Variants in MYCL observed in about 807,000 individuals in gnomAD.
MYCL encodes protein L-Myc.
A neutral mutation model predicts 31.0 loss-of-function variants in MYCL; 11 were observed. The observed-to-expected ratio is 0.35, with a 90% CI of 0.22 to 0.59. The LOEUF (loss-of-function observed/expected upper bound fraction) is 0.59. Among genes scored for constraint, MYCL ranks in the 20% least tolerant of loss-of-function variants. The pLI, the probability that MYCL is intolerant of heterozygous loss-of-function variation, is 0.79. For synonymous variants in MYCL, 208 were observed against 202.4 expected (o/e 1.03, Z -0.23); for missense variants, 427 against 486.1 (o/e 0.88, Z 1.14).
chr1:39,901,309 C>A lies in MYCL; in HGVS notation c.126G>T (p.Ser42=). 6.2e-7 allele frequency: 1 copy of A among 1,602,992 alleles called. No individual in the cohort carries two copies. The highest frequency in any genetic ancestry group is 8.5e-7 in the Non-Finnish European group (1 of 1,175,424). ...CGCCGGGACCCAAGCCCCAGGGCGG[C>A]GACGTGGGGGGCGATGGCACCAGCT... ...KFELVPSPPT[S]PPWGLGPGAG... is the part of the protein sequence containing the mutation. Residue 42 remains serine (S), a synonymous_variant, in exon 1 of 2, where the codon TCG becomes TCT. Coordinates refer to ENST00000372816, the MANE Select transcript of MYCL (RefSeq NM_001033081.3). This position sits in a 1 kb window ranked among gnomAD's most constrained non-coding sequence, Gnocchi z 6.9.
chr1:39,901,637 G>C lies in MYCL; in HGVS notation c.-203C>G. The C allele has an allele frequency of 2.2e-6, 3 of 1,383,336 alleles. No homozygotes were observed. The highest frequency in any genetic ancestry group is 2.8e-6 in the Non-Finnish European group (3 of 1,076,844). The allele number at this position is 1,383,336 out of a possible 1,614,324, so 85.7% of individuals were successfully genotyped here. A position where few individuals can be genotyped will look rare whatever the true frequency, so the allele number is the denominator to read the frequency against. ...TGGTAGGGGAAGCCAATCGCAGCGC[G>C]CGGACCCGACTGTGGGCAGCGAGTT... is the stretch of plus-strand genomic sequence containing the variant. On this transcript the variant is annotated 5_prime_UTR_variant, in exon 1 of 2. Coordinates refer to ENST00000372816, the MANE Select transcript of MYCL (RefSeq NM_001033081.3). This position sits in a 1 kb window ranked among gnomAD's most constrained non-coding sequence, Gnocchi z 6.9.
chr1:39,901,882 C>T lies in MYCL; in HGVS notation c.-448G>A, dbSNP rs766492249. ...GGGGCAGCCCGGCAGCCAGCACACACGCACATGCGCGCCGCCGAGAGCGCG... is the reference window on the plus strand; with the variant it reads ...GGGGCAGCCCGGCAGCCAGCACACATGCACATGCGCGCCGCCGAGAGCGCG... On this transcript the variant is annotated 5_prime_UTR_variant, in exon 1 of 2. In the 5' UTR this introduces an upstream ATG that the reference lacks. Transcript: ENST00000372816. This position sits in a 1 kb window ranked among gnomAD's most constrained non-coding sequence, Gnocchi z 6.9. 5 of 1,166,796 alleles carry T rather than the reference C, an allele frequency of 4.3e-6. No homozygotes were observed. Among genetic ancestry groups the T allele is most frequent in the East Asian group, 3.8e-5 (1 of 25,976 alleles). 72.3% of individuals were successfully genotyped at this position (1,166,796 alleles called of 1,614,324 possible). A position where few individuals can be genotyped will look rare whatever the true frequency, so the allele number is the denominator to read the frequency against.
At position 39,899,693 on chromosome 1, in the gene MYCL, A is replaced by G. The variant is rs1056749438; in HGVS notation, c.496+1246T>C. 7.1e-6 allele frequency: 7 copies of G among 985,340 alleles called. No individual in the cohort carries two copies. The Admixed American group carries it at 1.8e-4, about 26-fold the overall frequency. 61.0% of individuals were successfully genotyped at this position (985,340 alleles called of 1,614,324 possible). Reference sequence around the variant, plus strand: ...AAACAAACATAAACTCTTGGTGTAGAAAGCAAGCTGGTTAAAAATGACCTT... The same window carrying G: ...AAACAAACATAAACTCTTGGTGTAGGAAGCAAGCTGGTTAAAAATGACCTT... On this transcript the variant is annotated intron_variant, in intron 1 of 1. Coordinates refer to ENST00000372816, the MANE Select transcript of MYCL (RefSeq NM_001033081.3).
Position 39,896,139 on chromosome 1 carries a change from A to G in MYCL, c.*1233T>C, listed in dbSNP as rs2124714002. On this transcript the variant is annotated 3_prime_UTR_variant, in exon 2 of 2. Coordinates refer to ENST00000372816, the MANE Select transcript of MYCL (RefSeq NM_001033081.3). ...GGGGTAAAATCCATCATGGTTGGCTAAGCATATCTCCTGGAGGCTCCTTTA... is the reference window on the plus strand; with the variant it reads ...GGGGTAAAATCCATCATGGTTGGCTGAGCATATCTCCTGGAGGCTCCTTTA... 1 of 207,376 alleles carries G rather than the reference A, an allele frequency of 4.8e-6. No homozygotes were observed. Among genetic ancestry groups the G allele is most frequent in the East Asian group, 7.3e-5 (1 of 13,766 alleles). 12.8% of individuals were successfully genotyped at this position (207,376 alleles called of 1,614,324 possible). A position where few individuals can be genotyped will look rare whatever the true frequency, so the allele number is the denominator to read the frequency against.
At chr1:39,900,901 G>T (rs1034750343) in intron 1 of MYCL, 38 bp downstream of exon 1, 56 of 1,507,328 alleles carry the variant, frequency 3.7e-5, no homozygotes, top group Non-Finnish European at 5.0e-5. Flanking sequence ...GCCACCCATG[G>T]GGTGGCCCCC....
chr1:39,901,387 C>A lies in MYCL; in HGVS notation c.48G>T (p.Gly16=). The A allele has an allele frequency of 6.2e-7, 1 of 1,613,000 alleles. No homozygotes were observed. The highest frequency in any genetic ancestry group is 1.1e-5 in the South Asian group (1 of 90,762). The change falls in exon 1 of 2, where the codon GGG becomes GGT. Residue 16 remains glycine, a synonymous_variant. Transcript: ENST00000372816. This position sits in a 1 kb window ranked among gnomAD's most constrained non-coding sequence, Gnocchi z 6.9. ...GCGCCGTGGAGCGGTAGAAATCCTC[C>A]CCGCAGTCATAGTCGTAGAAATAGT... ...YQHYFYDYDC[G]EDFYRSTAPS...
At chr1:39,898,898 T>C in intron 1 of MYCL, 1 of 985,204 alleles carries the variant, frequency 1.0e-6, no homozygotes, top group South Asian at 4.7e-5. Context: ...GAGAAAAGTC[T>C]CCTCCTGCTC....
rs1254744333 is a variant in MYCL, at chr1:39,901,456, A to T, written c.-22T>A. The T allele has an allele frequency of 6.2e-7, 1 of 1,604,388 alleles. No homozygotes were observed. Among genetic ancestry groups the T allele is most frequent in the Non-Finnish European group, 8.5e-7 (1 of 1,178,762 alleles). On this transcript the variant is annotated 5_prime_UTR_variant, in exon 1 of 2. Transcript: ENST00000372816. This position sits in a 1 kb window ranked among gnomAD's most constrained non-coding sequence, Gnocchi z 6.9. ...CCATGTCCGCTCCCTGCGGGAGGGAAGGGGGGACGTGCTGACCGGGTGCCG... is the reference window on the plus strand; with the variant it reads ...CCATGTCCGCTCCCTGCGGGAGGGATGGGGGGACGTGCTGACCGGGTGCCG...
rs3134615 is a variant in MYCL, at chr1:39,896,394, C to A, written c.*978G>T. 35,903 of 203,210 alleles carry A rather than the reference C, an allele frequency of 0.18. 3,666 individuals are homozygous for A. The highest frequency in any genetic ancestry group is 0.23 in the Non-Finnish European group (23,072 of 98,900). 12.6% of individuals were successfully genotyped at this position (203,210 alleles called of 1,614,324 possible). On this transcript the variant is annotated 3_prime_UTR_variant, in exon 2 of 2. Coordinates refer to ENST00000372816, the MANE Select transcript of MYCL (RefSeq NM_001033081.3). The stretch of plus-strand genomic sequence containing the variant: ...TTGCCGCTCAAGGATTGAGATGAGG[C>A]AGGTGGGAAAGAGGCAGCAGTACAG...
chr1:39,900,863 C>T (rs1240520531), intron 1 of MYCL, 76 bp downstream of exon 1: 1 of 1,512,144 alleles, frequency 6.6e-7, no homozygotes, highest in Non-Finnish European at 8.8e-7. Context: ...AGAGCCAATG[C>T]CTGACCTCAG....
intron 1 of MYCL, chr1:39,900,167 G>GAAGGACACTTTTCCATCT: frequency 1.0e-6 from 1 of 985,502 alleles, no homozygotes; most frequent in African/African-American, 1.7e-5. Flanking sequence ...GGGGGAGCAA[G>GAAGGACACTTTTCCATCT]AAGGACACTT....
In MYCL at chr1:39,897,641, C is replaced by G. The variant is rs762761206; in HGVS notation, c.826G>C (p.Asp276His). ...TTCCTCTTGGTCACATCCTCAGTAT[C>G]AGAACTGACAGGTTTGGGGTGGCAG... Reference protein sequence around the residue: ...QSCHPKPVSSDTEDVTKRKNH... With the variant: ...QSCHPKPVSSHTEDVTKRKNH... Residue 276 changes from aspartate (D) to histidine (H), a missense_variant, in exon 2 of 2, where the codon GAT becomes CAT. Physicochemically the swap from Asp to His is moderately conservative, Grantham distance 81. Coordinates refer to ENST00000372816, the MANE Select transcript of MYCL (RefSeq NM_001033081.3). This position sits in a 1 kb window ranked among gnomAD's most constrained non-coding sequence, Gnocchi z 4.3. 1 of 1,614,224 alleles carries G rather than the reference C, an allele frequency of 6.2e-7. No individual in the cohort carries two copies. The highest frequency in any genetic ancestry group is 8.5e-7 in the Non-Finnish European group (1 of 1,180,046).
Position 39,901,537 on chromosome 1 carries a change from G to A in MYCL, c.-103C>T. 1 of 1,502,798 alleles carries A rather than the reference G, an allele frequency of 6.7e-7. No homozygotes were observed. Among genetic ancestry groups the A allele is most frequent in the Non-Finnish European group, 8.8e-7 (1 of 1,137,738 alleles). 93.1% of individuals were successfully genotyped at this position (1,502,798 alleles called of 1,614,324 possible). On this transcript the variant is annotated 5_prime_UTR_variant, in exon 1 of 2. In the 5' UTR this introduces an upstream ATG that the reference lacks. Coordinates refer to ENST00000372816, the MANE Select transcript of MYCL (RefSeq NM_001033081.3). This position sits in a 1 kb window ranked among gnomAD's most constrained non-coding sequence, Gnocchi z 6.9. ...CGGCACAGTCGGCTGCCGGGCTCTCGTTCCTCCCCAACCCCACCAGCTTGC... is the reference window on the plus strand; with the variant it reads ...CGGCACAGTCGGCTGCCGGGCTCTCATTCCTCCCCAACCCCACCAGCTTGC...
chr1:39,901,624 C>G lies in MYCL; in HGVS notation c.-190G>C. 1.4e-6 allele frequency: 2 copies of G among 1,392,506 alleles called. No homozygotes were observed. The highest frequency in any genetic ancestry group is 1.6e-5 in the South Asian group (1 of 62,000). 86.3% of individuals were successfully genotyped at this position (1,392,506 alleles called of 1,614,324 possible). A position where few individuals can be genotyped will look rare whatever the true frequency, so the allele number is the denominator to read the frequency against. On this transcript the variant is annotated 5_prime_UTR_variant, in exon 1 of 2. Coordinates refer to ENST00000372816, the MANE Select transcript of MYCL (RefSeq NM_001033081.3). The surrounding 1 kb of genome is among the most constrained non-coding windows in gnomAD (Gnocchi z 6.9). Reference sequence around the variant, plus strand: ...CCCCGGGTCAGAGTGGTAGGGGAAGCCAATCGCAGCGCGCGGACCCGACTG... The same window carrying G: ...CCCCGGGTCAGAGTGGTAGGGGAAGGCAATCGCAGCGCGCGGACCCGACTG...
rs775579460 is a variant in MYCL, at chr1:39,897,770, G to A, written c.697C>T (p.Pro233Ser). The change falls in exon 2 of 2, where the codon CCC (proline) becomes TCC (serine). Residue 233 changes from proline (P) to serine (S), a missense_variant. Pro to Ser is a moderately conservative substitution (Grantham distance 74). Transcript: ENST00000372816. This position sits in a 1 kb window ranked among gnomAD's most constrained non-coding sequence, Gnocchi z 4.3. ...CSQEEASERG[P>S]QEEVLERDAA... Reference sequence around the variant, plus strand: ...TCTCTCTCCAGAACCTCTTCTTGGGGACCCCTCTCTGAAGCCTCTTCTTGG... The same window carrying A: ...TCTCTCTCCAGAACCTCTTCTTGGGAACCCCTCTCTGAAGCCTCTTCTTGG... 5.0e-6 allele frequency: 8 copies of A among 1,614,098 alleles called. No individual in the cohort carries two copies. Among genetic ancestry groups the A allele is most frequent in the Non-Finnish European group, 6.8e-6 (8 of 1,180,014 alleles).
intron 1 of MYCL, chr1:39,898,757 G>A (rs1644506925): frequency 1.0e-6 from 1 of 985,506 alleles, no homozygotes; most frequent in Non-Finnish European, 1.2e-6. Context: ...ACCAGAGGCA[G>A]AGACTGGGCA....
Position 39,901,759 on chromosome 1 carries a change from G to A in MYCL, c.-325C>T, listed in dbSNP as rs1644543164. On this transcript the variant is annotated 5_prime_UTR_variant, in exon 1 of 2. Transcript: ENST00000372816. This position sits in a 1 kb window ranked among gnomAD's most constrained non-coding sequence, Gnocchi z 6.9. The stretch of plus-strand genomic sequence containing the variant: ...GTGCCCAGAAGGCAGCCTGCAGCCA[G>A]CCCGCACCGCGGGACCCGCGCCCGT... 1 of 1,221,234 alleles carries A rather than the reference G, an allele frequency of 8.2e-7. No homozygotes were observed. The highest frequency in any genetic ancestry group is 1.0e-6 in the Non-Finnish European group (1 of 979,532). The allele number at this position is 1,221,234 out of a possible 1,614,324, so 75.6% of individuals were successfully genotyped here. A position where few individuals can be genotyped will look rare whatever the true frequency, so the allele number is the denominator to read the frequency against.
intron 1 of MYCL, chr1:39,899,047 C>T: frequency 3.0e-6 from 3 of 985,432 alleles, no homozygotes; most frequent in Non-Finnish European, 3.6e-6. Context: ...TGTGGACAAT[C>T]GCATTATTTC....
In MYCL at chr1:39,901,284, C is replaced by A. The variant is rs753622276; in HGVS notation, c.151G>T (p.Ala51Ser). 3.7e-6 allele frequency: 6 copies of A among 1,600,126 alleles called. No individual in the cohort carries two copies. Among genetic ancestry groups the A allele is most frequent in the South Asian group, 1.1e-5 (1 of 89,374 alleles). The change falls in exon 1 of 2, where the codon GCA (alanine) becomes TCA (serine). Residue 51 changes from alanine to serine, a missense_variant. Ala to Ser is a moderately conservative substitution (Grantham distance 99). Transcript: ENST00000372816. This position sits in a 1 kb window ranked among gnomAD's most constrained non-coding sequence, Gnocchi z 6.9. The stretch of plus-strand genomic sequence containing the variant: ...CCAATCCCGGGGGCCGGGTCCCCTG[C>A]GCCGGGACCCAAGCCCCAGGGCGGC... ...TSPPWGLGPG[A>S]GDPAPGIGPP...
Sources: allele counts gnomAD v4.1 joint callset, GRCh38; gene constraint gnomAD v4.1.1; non-coding constraint Gnocchi (gnomAD v3.1); transcripts MANE v1.5; gene names NCBI Gene and HGNC (gene_info 2026-07-23, HGNC 2026-07-21).